Variants in ZMAT4 observed in about 807,000 individuals in gnomAD.
ZMAT4 encodes zinc finger matrin-type 4.
ZMAT4 carries 17 observed loss-of-function variants against 28.7 expected under a neutral mutation model. The ratio of observed to expected loss-of-function variants is 0.59; its 90% CI spans 0.41 to 0.89. The LOEUF (loss-of-function observed/expected upper bound fraction) is 0.89. ZMAT4 is among the 40% of genes least tolerant of loss of function. The pLI is 0.00. For synonymous variants in ZMAT4, 117 were observed against 109.2 expected (o/e 1.07, Z -0.44); for missense variants, 240 against 283.8 (o/e 0.85, Z 1.11).
rs1244618405 is a variant in ZMAT4 at position 40,601,622 on chromosome 8, GA to G, written c.578-20362del. On this transcript the variant is annotated intron_variant, in intron 5 of 6. Transcript: ENST00000297737. ...AGAAAGAAAGAAAGAAAGAAAGAAA[GA>G]AAGAAAGAAAGAGAAAGAAAGAAAG... 4.6e-4 allele frequency among the ~76,000 whole-genome samples: 12 copies of G among 26,268 alleles called. 2 individuals carry two copies. In the South Asian group the frequency reaches 0.011, roughly 24 times the overall value. 17.2% of individuals were successfully genotyped at this position (26,268 alleles called of 152,430 possible).
chr8:40,875,927 C>T (rs747402873), intron 1 of ZMAT4, among the ~76,000 whole-genome samples: 7 of 152,128 alleles, frequency 4.6e-5, no homozygotes, highest in Non-Finnish European at 1.0e-4. Flanking sequence ...GGAAAGACGA[C>T]GGATATGTCA....
At chr8:40,788,735 T>G (rs1814192031) in intron 2 of ZMAT4, among the ~76,000 whole-genome samples, 1 of 151,422 alleles carries the variant, frequency 6.6e-6, no homozygotes, top group African/African-American at 2.4e-5. Flanking sequence ...GATGCCAGTA[T>G]TATTCTGATA....
intron 1 of ZMAT4, among the ~76,000 whole-genome samples, chr8:40,895,633 C>A (rs923401325): frequency 2.0e-5 from 3 of 152,204 alleles, no homozygotes; most frequent in Admixed American, 2.0e-4. Context: ...CCCCCTCCCC[C>A]CACACTGCCT....
Position 40,635,767 on chromosome 8 carries a change from C to A in ZMAT4, c.577+38937G>T, listed in dbSNP as rs531097727. Among the ~76,000 whole-genome samples the A allele has an allele frequency of 1.5e-3, 228 of 152,186 alleles. 1 individual carries two copies. Among genetic ancestry groups the A allele is most frequent in the African/African-American group, 5.4e-3 (223 of 41,538 alleles). On this transcript the variant is annotated intron_variant, in intron 5 of 6. Transcript: ENST00000297737. ...CTTGTCTTTAACTTTGGTGTCACAG[C>A]CATGAAAAGGCCCCTAAAAAATATT... is the stretch of plus-strand genomic sequence containing the variant.
At chr8:40,605,498 C>T (rs1375515491) in intron 5 of ZMAT4, among the ~76,000 whole-genome samples, 1 of 152,032 alleles carries the variant, frequency 6.6e-6, no homozygotes, top group Non-Finnish European at 1.5e-5. Context: ...TTTGAGAGTT[C>T]CTTTTGGAAT....
intron 1 of ZMAT4, among the ~76,000 whole-genome samples, chr8:40,865,713 G>A (rs543359771): frequency 1.3e-5 from 2 of 152,162 alleles, no homozygotes; most frequent in Non-Finnish European, 2.9e-5. Context: ...CAATCACACA[G>A]CCTCAGTTTC....
intron 2 of ZMAT4, among the ~76,000 whole-genome samples, chr8:40,809,822 T>A (rs1252260468): frequency 1.3e-5 from 2 of 152,072 alleles, no homozygotes; most frequent in Non-Finnish European, 2.9e-5. Context: ...GGTGGGCAGA[T>A]CATTTGAGGT....
chr8:40,629,629 TC>T lies in ZMAT4; in HGVS notation c.577+45074del, dbSNP rs1427495291. 6.7e-5 allele frequency among the ~76,000 whole-genome samples: 10 copies of T among 149,240 alleles called. No homozygotes were observed. In the East Asian group the frequency reaches 2.0e-3, roughly 30 times the overall value. On this transcript the variant is annotated intron_variant, in intron 5 of 6. Transcript: ENST00000297737. ...TGTCCAAGTGTTCTCATTGTTCAGT[TC>T]CCACCTATGAGTGAGAACATGCGGT...
At chr8:40,601,503 A>AAGAAAGAAAGAAAG (rs1563360176) in intron 5 of ZMAT4, among the ~76,000 whole-genome samples, 16 of 127,194 alleles carry the variant, frequency 1.3e-4, no homozygotes, top group Non-Finnish European at 1.9e-4. Context: ...GAGAGAAAGA[A>AAGAAAGAAAGAAAG]AGAAAGAGAA....
intron 4 of ZMAT4, among the ~76,000 whole-genome samples, chr8:40,685,492 C>T (rs4344058): frequency 0.65 from 98,383 of 152,024 alleles, 32,091 homozygotes; most frequent in East Asian, 0.82. Flanking sequence ...TGCTGTGTCA[C>T]CCACAATTAT....
At chr8:40,759,910 T>G (rs1812856400) in intron 3 of ZMAT4, among the ~76,000 whole-genome samples, 2 of 152,052 alleles carry the variant, frequency 1.3e-5, no homozygotes, top group South Asian at 4.1e-4. Context: ...AGACACAAAC[T>G]CTCCCAATTC....
chr8:40,580,318 T>C (rs540298343), intron 6 of ZMAT4, among the ~76,000 whole-genome samples: 1 of 152,204 alleles, frequency 6.6e-6, no homozygotes, highest in Non-Finnish European at 1.5e-5. Flanking sequence ...GGCCTATTCA[T>C]CTTTTCTTCC....
At chr8:40,575,797 C>T (rs1312568271) in intron 6 of ZMAT4, among the ~76,000 whole-genome samples, 1 of 151,380 alleles carries the variant, frequency 6.6e-6, no homozygotes, top group Non-Finnish European at 1.5e-5. Flanking sequence ...CATAATTCCT[C>T]AGTAATAAAG....
In ZMAT4 at chr8:40,671,571, A is replaced by C. The variant is rs562131323; in HGVS notation, c.577+3133T>G. ...CCACAATAAGCCAGACACACAAGAA[A>C]TACATATTTTATGATTCCACTTATA... On this transcript the variant is annotated intron_variant, in intron 5 of 6. Coordinates refer to ENST00000297737, the MANE Select transcript of ZMAT4 (RefSeq NM_024645.3). 2.2e-4 allele frequency among the ~76,000 whole-genome samples: 34 copies of C among 152,332 alleles called. No individual in the cohort carries two copies. The Middle Eastern group carries it at 0.01, about 46-fold the overall frequency.
At chr8:40,666,973 A>T (rs532789535) in intron 5 of ZMAT4, among the ~76,000 whole-genome samples, 5 of 152,174 alleles carry the variant, frequency 3.3e-5, no homozygotes, top group African/African-American at 1.2e-4. Context: ...ATACACACAA[A>T]TCTATTATTA....
At chr8:40,564,562 A>C (rs1803853011) in intron 6 of ZMAT4, among the ~76,000 whole-genome samples, 1 of 152,232 alleles carries the variant, frequency 6.6e-6, no homozygotes, top group South Asian at 2.1e-4. Flanking sequence ...AAATGTTGAC[A>C]GTTACCTAGC....
chr8:40,643,484 ATACT>A (rs1478198851), intron 5 of ZMAT4, among the ~76,000 whole-genome samples: 1 of 152,190 alleles, frequency 6.6e-6, no homozygotes, highest in Non-Finnish European at 1.5e-5. Flanking sequence ...CACTAAATAA[ATACT>A]TCTTTAGCGC....
intron 1 of ZMAT4, among the ~76,000 whole-genome samples, chr8:40,881,469 A>AAG (rs1482648068): frequency 2.7e-5 from 4 of 147,614 alleles, no homozygotes; most frequent in Non-Finnish European, 4.5e-5. Context: ...GAAAGAAAGA[A>AAG]AGAAAGAAAG....
intron 6 of ZMAT4, among the ~76,000 whole-genome samples, chr8:40,534,736 G>T (rs1385629375): frequency 7.2e-6 from 1 of 139,382 alleles, no homozygotes; most frequent in Non-Finnish European, 1.5e-5. Flanking sequence ...AGGCTGGAGT[G>T]CAGTGGCACA....
Sources: allele counts gnomAD v4.1 joint callset (sites outside exome capture counted in the v4.1 genomes callset), GRCh38; gene constraint gnomAD v4.1.1; transcripts MANE v1.5; gene names NCBI Gene and HGNC (gene_info 2026-07-23, HGNC 2026-07-21).